ARAP2: variants seen among roughly 807,000 people sequenced by gnomAD.
ARAP2 encodes the protein arf-GAP with Rho-GAP domain, ANK repeat and PH domain-containing protein 2.
Under a neutral mutation model 194.5 loss-of-function variants are expected in ARAP2, and 148 were observed. That is an observed-to-expected ratio of 0.76 (90% CI 0.67 to 0.87). The LOEUF is 0.87. Among genes scored for constraint, ARAP2 ranks in the 40% least tolerant of loss-of-function variants. The pLI, the probability that ARAP2 is intolerant of heterozygous loss-of-function variation, is 0.00. For missense variants in ARAP2, 2,128 were observed against 1,989.7 expected (o/e 1.07, Z -1.32); for synonymous variants, 695 against 683.5 (o/e 1.02, Z -0.26).
intron 9 of ARAP2, among the ~76,000 whole-genome samples, chr4:36,177,266 A>G (rs1215199670): frequency 6.6e-6 from 1 of 152,140 alleles, no homozygotes; most frequent in African/African-American, 2.4e-5. Flanking sequence ...TTATTTATGT[A>G]GATGTGCGTG....
At chr4:36,128,845 T>C in intron 20 of ARAP2, 100 bp from the exon 21 acceptor site, 1 of 942,762 alleles carries the variant, frequency 1.1e-6, no homozygotes, top group Non-Finnish European at 1.6e-6. Flanking sequence ...GACGAGAAGA[T>C]GATGAAATCA....
chr4:36,024,141 C>T (rs932801545), intron 5 of ARAP2, among the ~76,000 whole-genome samples: 19 of 152,154 alleles, frequency 1.2e-4, no homozygotes, highest in African/African-American at 3.9e-4. Context: ...AACTTCATAT[C>T]GGAGTTTCCA....
chr4:36,235,929 C>A (rs759244987), intron 1 of ARAP2, among the ~76,000 whole-genome samples: 9 of 152,102 alleles, frequency 5.9e-5, no homozygotes, highest in African/African-American at 2.4e-5. Context: ...GTAATTGCAG[C>A]GCTTTGGGAG....
In ARAP2 at chr4:36,229,511, A is replaced by C; in HGVS notation, c.-25T>G. 6.4e-7 allele frequency: 1 copy of C among 1,552,228 alleles called. No individual in the cohort carries two copies. Among genetic ancestry groups the C allele is most frequent in the South Asian group, 1.2e-5 (1 of 82,442 alleles). On this transcript the variant is annotated 5_prime_UTR_variant, in exon 2 of 33. Coordinates refer to ENST00000303965, the MANE Select transcript of ARAP2 (RefSeq NM_015230.4). ...TAATGGTGGCTTCATTACTAAGCTG[A>C]GTTACAAAAAGTGGCACGATGAGAC...
At chr4:36,045,396 G>A (rs141999029) in intron 5 of ARAP2, among the ~76,000 whole-genome samples, 291 of 152,248 alleles carry the variant, frequency 1.9e-3, no homozygotes, top group Admixed American at 4.4e-3. Context: ...ACAACATCAT[G>A]TATAATCTAG....
intron 1 of ARAP2, among the ~76,000 whole-genome samples, chr4:36,239,190 C>T (rs572334275): frequency 4.3e-4 from 66 of 151,810 alleles, no homozygotes; most frequent in African/African-American, 1.5e-3. Flanking sequence ...ACATGAGAAT[C>T]GCTTGAACCC....
chr4:36,144,756 A>G (rs554885725), intron 19 of ARAP2, among the ~76,000 whole-genome samples: 6 of 151,962 alleles, frequency 3.9e-5, no homozygotes, highest in Middle Eastern at 3.4e-3. Flanking sequence ...ATCGCAGTTA[A>G]ACATTGAACA....
intron 1 of ARAP2, among the ~76,000 whole-genome samples, chr4:36,060,309 G>A (rs775015790): frequency 9.9e-5 from 15 of 152,098 alleles, no homozygotes; most frequent in Non-Finnish European, 1.9e-4. Flanking sequence ...ATGAGAACTC[G>A]AGTCTTTACA....
chr4:36,223,276 T>G (rs996153364), intron 2 of ARAP2, among the ~76,000 whole-genome samples: 1 of 152,076 alleles, frequency 6.6e-6, no homozygotes, highest in African/African-American at 2.4e-5. Flanking sequence ...AATCTAAAAA[T>G]AAAACCCAAA....
intron 17 of ARAP2, 60 bp downstream of exon 17, chr4:36,148,345 C>CACAG: frequency 7.7e-7 from 1 of 1,306,102 alleles, no homozygotes; most frequent in Non-Finnish European, 1.1e-6. Context: ...GAAGCTCAAA[C>CACAG]ACAGACTCCC....
chr4:36,120,050 G>A (rs572066935), intron 23 of ARAP2, among the ~76,000 whole-genome samples: 86 of 151,618 alleles, frequency 5.7e-4, no homozygotes, highest in Middle Eastern at 3.4e-3. Flanking sequence ...AAACTGAAAT[G>A]TTCATTAGGT....
At chr4:36,107,843 C>G in intron 26 of ARAP2, 150 bp from the exon 27 acceptor site, 2 of 629,940 alleles carry the variant, frequency 3.2e-6, no homozygotes, top group Non-Finnish European at 4.8e-6. Flanking sequence ...ACAGTAATAG[C>G]ACTATGACTA....
At position 36,158,755 on chromosome 4, in the gene ARAP2, G is replaced by A. The variant is rs755412193; in HGVS notation, c.2727C>T (p.Leu909=). ...CTTCAAGCAGTTTTTTCTCTGAAGA[G>A]AGTTTAGAAGCAGCAGAAGGAGCTT... ...LYQAPSAASK[L]SSEKKLLEET... The change falls in exon 15 of 33, where the codon CTC becomes CTT. Residue 909 remains leucine, a synonymous_variant. Coordinates refer to ENST00000303965, the MANE Select transcript of ARAP2 (RefSeq NM_015230.4). The A allele has an allele frequency of 3.1e-6, 5 of 1,608,604 alleles. No individual in the cohort carries two copies. In the African/African-American group the frequency reaches 4.0e-5, roughly 13 times the overall value.
At chr4:36,224,762 GC>G (rs1749922400) in intron 2 of ARAP2, among the ~76,000 whole-genome samples, 1 of 151,584 alleles carries the variant, frequency 6.6e-6, no homozygotes, top group Admixed American at 6.6e-5. Flanking sequence ...AAAATAATTA[GC>G]CTTTTTTCAT....
At chr4:36,178,140 C>T in intron 8 of ARAP2, 135 bp from the exon 9 acceptor site, 4 of 723,526 alleles carry the variant, frequency 5.5e-6, no homozygotes, top group Non-Finnish European at 8.5e-6. Flanking sequence ...CTAAATGCTA[C>T]TGTAAACAGA....
At chr4:36,007,737 G>C (rs1713594705) in intron 9 of ARAP2, among the ~76,000 whole-genome samples, 1 of 152,110 alleles carries the variant, frequency 6.6e-6, no homozygotes, top group Non-Finnish European at 1.5e-5. Flanking sequence ...GATATTAAAT[G>C]TTATTAATCA....
intron 19 of ARAP2, among the ~76,000 whole-genome samples, chr4:36,134,062 C>T (rs1048861451): frequency 6.6e-6 from 1 of 151,742 alleles, no homozygotes; most frequent in African/African-American, 2.4e-5. Context: ...ACTTTTTGAA[C>T]TTAAATTTTA....
rs747627583 is a variant in ARAP2 at position 36,128,695 on chromosome 4, T to G, written c.3478A>C (p.Ser1160Arg). The change falls in exon 21 of 33, where the codon AGT becomes CGT. Residue 1160 changes from serine (S) to arginine (R), a missense_variant. Transcript: ENST00000303965. ...YQKNGDPLHI[S>R]ELLESFKKDA... The stretch of plus-strand genomic sequence containing the variant: ...TTTTTGAAACTCTCCAGGAGTTCAC[T>G]TATATGCAAAGGATCACCATTCTTT... 4.3e-6 allele frequency: 7 copies of G among 1,612,638 alleles called. No individual in the cohort carries two copies. Among genetic ancestry groups the G allele is most frequent in the Middle Eastern group, 1.6e-4 (1 of 6,070 alleles).
At chr4:36,092,701 T>C (rs1714048778) in intron 27 of ARAP2, among the ~76,000 whole-genome samples, 1 of 152,318 alleles carries the variant, frequency 6.6e-6, no homozygotes, top group South Asian at 2.1e-4. Flanking sequence ...TGATATTAAA[T>C]AAAACATACT....
Sources: gnomAD v4.1 joint callset for allele counts (sites outside exome capture counted in the v4.1 genomes callset) on GRCh38, gnomAD v4.1.1 for gene constraint, MANE v1.5 for transcripts, NCBI Gene and HGNC (gene_info 2026-07-23, HGNC 2026-07-21) for gene names.